The following RASSF3 variants were observed in gnomAD, a reference collection of about 807,000 sequenced individuals.
The protein encoded by RASSF3 is Ras association domain family member 3, also known as ras association domain-containing protein 3.
A neutral mutation model predicts 19.9 loss-of-function variants in RASSF3; 19 were observed. That is an observed-to-expected ratio of 0.96 (90% confidence interval 0.67 to 1.40). The LOEUF is 1.40. Ranked by LOEUF, RASSF3 falls within the 40% of genes most tolerant of loss-of-function variation. The pLI, the probability that RASSF3 is intolerant of heterozygous loss-of-function variation, is 0.00. For synonymous variants in RASSF3, 110 were observed against 104.2 expected (o/e 1.06, Z -0.34); for missense variants, 306 against 289.8 (o/e 1.06, Z -0.41).
At chr12:64,680,176 A>G (rs1451222193) in intron 1 of RASSF3, among the ~76,000 whole-genome samples, 1 of 152,148 alleles carries the variant, frequency 6.6e-6, no homozygotes, top group Non-Finnish European at 1.5e-5. Flanking sequence ...AAGGGGCAGG[A>G]TTCTACTCTG....
chr12:64,582,614 G>A (rs1869722490), intron 2 of RASSF3, among the ~76,000 whole-genome samples: 1 of 152,158 alleles, frequency 6.6e-6, no homozygotes, highest in South Asian at 2.1e-4. Flanking sequence ...GGGTAGGTGA[G>A]GAGTGCACCT....
At chr12:64,547,038 C>T (rs1321809478) in intron 2 of RASSF3, among the ~76,000 whole-genome samples, 7 of 151,996 alleles carry the variant, frequency 4.6e-5, no homozygotes, top group Non-Finnish European at 7.4e-5. Flanking sequence ...TTTGGGAAGC[C>T]GAGGCATGTG....
intron 1 of RASSF3, among the ~76,000 whole-genome samples, chr12:64,668,343 A>G (rs1427296430): frequency 6.6e-6 from 1 of 151,276 alleles, no homozygotes; most frequent in Admixed American, 6.6e-5. Context: ...ATGTGGCACA[A>G]TCTCCGTTCA....
intron 1 of RASSF3, among the ~76,000 whole-genome samples, chr12:64,638,549 C>T (rs1208971838): frequency 6.8e-6 from 1 of 146,108 alleles, no homozygotes; most frequent in Admixed American, 7.0e-5. Context: ...CACTGCACTG[C>T]AGCCTGGGCG....
At chr12:64,579,776 C>T (rs1008423339) in intron 2 of RASSF3, among the ~76,000 whole-genome samples, 34 of 148,970 alleles carry the variant, frequency 2.3e-4, no homozygotes, top group Non-Finnish European at 4.6e-4. Flanking sequence ...ATGGACTATG[C>T]TGAGTAGGGT....
At chr12:64,647,305 G>A (rs11175497) in intron 1 of RASSF3, among the ~76,000 whole-genome samples, 17,450 of 151,736 alleles carry the variant, frequency 0.12, 1,171 homozygotes, top group East Asian at 0.3. Context: ...CTGGAGTGCC[G>A]TGGCACGATC....
At chr12:64,524,556 G>C (rs992154537) in intron 1 of RASSF3, among the ~76,000 whole-genome samples, 7 of 151,842 alleles carry the variant, frequency 4.6e-5, no homozygotes, top group Non-Finnish European at 1.0e-4. Flanking sequence ...ACATTCTCAC[G>C]TACAACACAC....
upstream of RASSF3, chr12:64,533,227 GTC>G (rs1464301378): frequency 1.3e-5 from 2 of 152,248 alleles, no homozygotes; most frequent in African/African-American, 4.8e-5. Flanking sequence ...ACCATCAGCT[GTC>G]TCTCTGTACT....
chr12:64,678,903 A>T (rs1478529909), intron 1 of RASSF3, among the ~76,000 whole-genome samples: 1 of 152,172 alleles, frequency 6.6e-6, no homozygotes, highest in African/African-American at 2.4e-5. Flanking sequence ...TGAGGCCCAG[A>T]GAGGTTAAGT....
chr12:64,660,454 A>C (rs543833979), intron 1 of RASSF3, among the ~76,000 whole-genome samples: 70 of 152,312 alleles, frequency 4.6e-4, no homozygotes, highest in African/African-American at 1.6e-3. Flanking sequence ...TGTATTGCCC[A>C]GTATTTATGA....
At chr12:64,616,954 C>T (rs1036168990) in intron 1 of RASSF3, among the ~76,000 whole-genome samples, 2 of 152,194 alleles carry the variant, frequency 1.3e-5, no homozygotes, top group Admixed American at 1.3e-4. Flanking sequence ...TGTTCTTTCC[C>T]TTCATAGCAA....
chr12:64,591,202 C>A lies in RASSF3; in HGVS notation c.294+49497C>A, dbSNP rs190585473. ...TATTATAGAAGTCAACCTGGCCGGG[C>A]GCAGTGGCTCACACCTGTAATCCCA... On this transcript the variant is annotated intron_variant, in intron 2 of 5. Coordinates refer to the RASSF3 transcript ENST00000637125. Among the ~76,000 whole-genome samples the A allele has an allele frequency of 2.3e-4, 35 of 152,152 alleles. No individual in the cohort carries two copies. The East Asian group carries it at 6.8e-3, about 29-fold the overall frequency.
intron 1 of RASSF3, among the ~76,000 whole-genome samples, chr12:64,616,161 T>G (rs1870544835): frequency 6.6e-6 from 1 of 152,214 alleles, no homozygotes; most frequent in African/African-American, 2.4e-5. Context: ...AAAGGCATAT[T>G]CCTTTAAATG....
At chr12:64,546,531 A>C (rs899819317), downstream of RASSF3, among the ~76,000 whole-genome samples, 7 of 152,186 alleles carry the variant, frequency 4.6e-5, no homozygotes, top group Non-Finnish European at 8.8e-5. Flanking sequence ...AGGCCCCCCA[A>C]AGTGCTGGGA....
intron 1 of RASSF3, among the ~76,000 whole-genome samples, chr12:64,541,231 C>T (rs1451343625): frequency 6.6e-6 from 1 of 152,144 alleles, no homozygotes; most frequent in African/African-American, 2.4e-5. Flanking sequence ...ATAGATCCGC[C>T]CGCCTTGCCC....
chr12:64,647,217 T>C (rs1172514859), intron 1 of RASSF3, among the ~76,000 whole-genome samples: 1 of 151,996 alleles, frequency 6.6e-6, no homozygotes, highest in Non-Finnish European at 1.5e-5. Flanking sequence ...CCCATAGTTG[T>C]TTTTCTCAGC....
intron 2 of RASSF3, among the ~76,000 whole-genome samples, chr12:64,574,069 G>A (rs897626623): frequency 5.3e-5 from 8 of 152,122 alleles, no homozygotes; most frequent in South Asian, 2.1e-4. Flanking sequence ...TTGGGAGGCC[G>A]AGGTGGGCGG....
At chr12:64,516,072 T>A (rs2136100334) in intron 1 of RASSF3, among the ~76,000 whole-genome samples, 1 of 152,340 alleles carries the variant, frequency 6.6e-6, no homozygotes, top group Non-Finnish European at 1.5e-5. Flanking sequence ...TGTAAAGGCA[T>A]ATAATAAAAT....
At chr12:64,536,246 G>A (rs886870308) in intron 1 of RASSF3, among the ~76,000 whole-genome samples, 13 of 151,494 alleles carry the variant, frequency 8.6e-5, no homozygotes, top group South Asian at 6.3e-4. Flanking sequence ...TCCTGACCTC[G>A]TGATCTGCCC....
Sources: allele counts gnomAD v4.1 joint callset (sites outside exome capture counted in the v4.1 genomes callset), GRCh38; gene constraint gnomAD v4.1.1; transcripts MANE v1.5; gene names NCBI Gene and HGNC (gene_info 2026-07-23, HGNC 2026-07-21).